Variants in CRCP observed in about 807,000 individuals in gnomAD.
CRCP encodes the protein DNA-directed RNA polymerase III subunit RPC9.
Under a neutral mutation model 18.5 loss-of-function variants are expected in CRCP, and 18 were observed. That is an observed-to-expected ratio of 0.97 (90% CI 0.67 to 1.44). CRCP has a LOEUF of 1.44. Among genes scored for constraint, CRCP ranks in the 40% most tolerant of loss-of-function variants. CRCP has a pLI of 0.00. For missense variants in CRCP, 130 were observed against 176.4 expected, an observed-to-expected ratio of 0.74 and a Z score of 1.49; for synonymous variants, 53 against 62.9, an observed-to-expected ratio of 0.84 and a Z score of 0.75.
intron 5 of CRCP, among the ~76,000 whole-genome samples, chr7:66,149,129 C>T: frequency 6.6e-6 from 1 of 152,112 alleles, no homozygotes; most frequent in Non-Finnish European, 1.5e-5. Context: ...TTTTATTTCC[C>T]CTTATGTTCT....
intron 5 of CRCP, among the ~76,000 whole-genome samples, chr7:66,147,246 G>A (rs1188926592): frequency 6.6e-6 from 1 of 151,882 alleles, no homozygotes; most frequent in Admixed American, 6.6e-5. Flanking sequence ...GGAGGCTGAG[G>A]CAGAATCACT....
intron 5 of CRCP, among the ~76,000 whole-genome samples, chr7:66,149,906 A>G (rs1415410948): frequency 6.6e-6 from 1 of 151,984 alleles, no homozygotes. Context: ...TCCTGGGTTC[A>G]CACCATTCTC....
At position 66,114,957 on chromosome 7, in the gene CRCP, G is replaced by A; in HGVS notation, c.-6G>A. 2 of 1,612,190 alleles carry A rather than the reference G, an allele frequency of 1.2e-6. No individual in the cohort carries two copies. Among genetic ancestry groups the A allele is most frequent in the Non-Finnish European group, 1.7e-6 (2 of 1,178,534 alleles). On this transcript the variant is annotated 5_prime_UTR_variant, in exon 1 of 6. Coordinates refer to ENST00000395326, the MANE Select transcript of CRCP (RefSeq NM_014478.5). Reference sequence around the variant, plus strand: ...CTGGCAGCTAGGGGCGACGAGGCGGGACGTCATGGAAGTGTAAGTCTTCTC... The same window carrying A: ...CTGGCAGCTAGGGGCGACGAGGCGGAACGTCATGGAAGTGTAAGTCTTCTC...
chr7:66,135,966 A>G (rs1159988914), intron 4 of CRCP, among the ~76,000 whole-genome samples: 1 of 152,120 alleles, frequency 6.6e-6, no homozygotes, highest in Admixed American at 6.5e-5. Flanking sequence ...TTTGTATGAC[A>G]TATCGCATCA....
intron 1 of CRCP, among the ~76,000 whole-genome samples, chr7:66,115,233 C>G (rs1006154517): frequency 6.6e-6 from 1 of 152,192 alleles, no homozygotes; most frequent in Non-Finnish European, 1.5e-5. Flanking sequence ...CAATGTGCCC[C>G]CTCCTTCTCT....
chr7:66,127,809 T>G, intron 2 of CRCP, 69 bp downstream of exon 2: 1 of 1,563,134 alleles, frequency 6.4e-7, no homozygotes, highest in Non-Finnish European at 8.8e-7. Context: ...TAAATTGATT[T>G]TGGTTAGAAA....
intron 1 of CRCP, among the ~76,000 whole-genome samples, chr7:66,119,951 G>A (rs928234020): frequency 6.6e-6 from 1 of 152,140 alleles, no homozygotes; most frequent in Non-Finnish European, 1.5e-5. Context: ...GGGAGGCTGA[G>A]TGGGGCGGAT....
At chr7:66,142,315 C>T (rs1230949776) in intron 4 of CRCP, among the ~76,000 whole-genome samples, 3 of 152,120 alleles carry the variant, frequency 2.0e-5, no homozygotes, top group African/African-American at 7.2e-5. Context: ...GGCCATTCTC[C>T]ACTCTCCTTC....
chr7:66,150,765 G>A (rs1788434792), intron 5 of CRCP: 1 of 152,114 alleles, frequency 6.6e-6, no homozygotes, highest in Non-Finnish European at 1.5e-5. Flanking sequence ...AGATTGCTGT[G>A]GGGAATGCCA....
chr7:66,137,345 A>G (rs2115978005), intron 4 of CRCP, among the ~76,000 whole-genome samples: 1 of 152,250 alleles, frequency 6.6e-6, no homozygotes, highest in South Asian at 2.1e-4. Context: ...TAGTTCTAGG[A>G]ACTTTTTTAG....
At chr7:66,144,161 A>T (rs1213170358) in intron 4 of CRCP, among the ~76,000 whole-genome samples, 1 of 87,162 alleles carries the variant, frequency 1.1e-5, no homozygotes, top group Admixed American at 1.1e-4. Flanking sequence ...ATCTCCTCTG[A>T]AGTTCTGTAG....
chr7:66,140,270 A>G (rs1788094406), intron 4 of CRCP, among the ~76,000 whole-genome samples: 1 of 152,204 alleles, frequency 6.6e-6, no homozygotes. Flanking sequence ...CAAGAAACTC[A>G]CATCCATCCT....
At chr7:66,120,425 T>C (rs1787403627) in intron 1 of CRCP, 1 of 152,120 alleles carries the variant, frequency 6.6e-6, no homozygotes, top group African/African-American at 2.4e-5. Flanking sequence ...AGTGACTTCC[T>C]GTAACCAATC....
At position 66,151,673 on chromosome 7, in the gene CRCP, C is replaced by CTCTGTGTG. The variant is rs1484742797; in HGVS notation, c.298-534_298-533insCTGTGTGT. ...TATGCAACCTGTTCACCACTTCTCT[C>CTCTGTGTG]TGTGTGTGTGTGTGTGTGTGTGTGT... is the stretch of plus-strand genomic sequence containing the variant. On this transcript the variant is annotated intron_variant, in intron 5 of 5. Transcript: ENST00000395326. Among the ~76,000 whole-genome samples the CTCTGTGTG allele has an allele frequency of 4.4e-3, 613 of 138,540 alleles. 2 individuals carry two copies. The highest frequency in any genetic ancestry group is 0.012 in the East Asian group (57 of 4,594). 90.9% of individuals were successfully genotyped at this position (138,540 alleles called of 152,430 possible). A position where few individuals can be genotyped will look rare whatever the true frequency, so the allele number is the denominator to read the frequency against.
chr7:66,151,577 A>C (rs930996281), intron 5 of CRCP, among the ~76,000 whole-genome samples: 4 of 150,954 alleles, frequency 2.6e-5, no homozygotes, highest in African/African-American at 4.9e-5. Context: ...TGCCCCCCCA[A>C]AAAAAAAATT....
At chr7:66,120,077 G>A (rs1404966486) in intron 1 of CRCP, among the ~76,000 whole-genome samples, 1 of 151,914 alleles carries the variant, frequency 6.6e-6, no homozygotes, top group Non-Finnish European at 1.5e-5. Flanking sequence ...AGCTACTATC[G>A]GGAGGCTGAG....
chr7:66,144,443 G>A (rs1297040603), intron 4 of CRCP, among the ~76,000 whole-genome samples: 1 of 152,094 alleles, frequency 6.6e-6, no homozygotes, highest in East Asian at 1.9e-4. Flanking sequence ...ATCTCAAAAA[G>A]GAATTTACCC....
At chr7:66,134,177 A>G (rs1482196091) in intron 3 of CRCP, 103 bp from the exon 4 acceptor site, 2 of 966,774 alleles carry the variant, frequency 2.1e-6, no homozygotes, top group African/African-American at 3.3e-5. Context: ...GATTTTTACA[A>G]ACAAAATTTT....
intron 4 of CRCP, among the ~76,000 whole-genome samples, chr7:66,138,089 C>G (rs1006450196): frequency 6.6e-6 from 1 of 152,230 alleles, no homozygotes. Context: ...GAGAACAGGT[C>G]TCTTGGCTAC....
Sources: allele counts gnomAD v4.1 joint callset (sites outside exome capture counted in the v4.1 genomes callset), GRCh38; gene constraint gnomAD v4.1.1; transcripts MANE v1.5; gene names NCBI Gene and HGNC (gene_info 2026-07-23, HGNC 2026-07-21).